The following CLVS1 variants were observed in gnomAD, a reference collection of about 807,000 sequenced individuals.
The protein encoded by CLVS1 is clavesin 1.
In CLVS1, 10 loss-of-function variants were observed where a neutral mutation model predicts 33.1. The ratio of observed to expected loss-of-function variants is 0.30; its 90% confidence interval spans 0.19 to 0.51. The LOEUF is 0.51. CLVS1 is among the 20% of genes least tolerant of loss of function. CLVS1 has a pLI of 0.97. For synonymous variants in CLVS1, 163 were observed against 166.1 expected (o/e 0.98, Z 0.14); for missense variants, 343 against 433.4 (o/e 0.79, Z 1.85).
At chr8:61,160,216 G>T (rs1049219260) in intron 2 of CLVS1, among the ~76,000 whole-genome samples, 1 of 152,162 alleles carries the variant, frequency 6.6e-6, no homozygotes, top group Non-Finnish European at 1.5e-5. Context: ...CATACATATT[G>T]ATAGTAGAAA....
At chr8:61,498,054 T>G (rs1804329294) in intron 5 of CLVS1, among the ~76,000 whole-genome samples, 2 of 152,164 alleles carry the variant, frequency 1.3e-5, no homozygotes, top group Admixed American at 1.3e-4. Context: ...GCTAACCTCC[T>G]ATCTCATTCT....
At chr8:61,336,513 GGTACAATAGAA>G (rs1443712363) in intron 2 of CLVS1, among the ~76,000 whole-genome samples, 2 of 152,092 alleles carry the variant, frequency 1.3e-5, no homozygotes, top group African/African-American at 4.8e-5. Context: ...CACCCTGGGT[GGTACAATAGAA>G]GTGAGCAGAA....
the CLVS1 span, among the ~76,000 whole-genome samples, chr8:60,995,870 G>C: frequency 6.6e-6 from 1 of 152,204 alleles, no homozygotes; most frequent in African/African-American, 2.4e-5. Flanking sequence ...CAGGGACATG[G>C]ATGAAATTGG....
At position 61,404,273 on chromosome 8, in the gene CLVS1, T is replaced by C. The variant is rs146718124; in HGVS notation, c.630+27494T>C. Among the ~76,000 whole-genome samples, 46 of 152,322 alleles carry C rather than the reference T, an allele frequency of 3.0e-4. No homozygotes were observed. The East Asian group carries it at 8.7e-3, about 29-fold the overall frequency. On this transcript the variant is annotated intron_variant, in intron 3 of 5. Coordinates refer to ENST00000325897, the MANE Select transcript of CLVS1 (RefSeq NM_173519.3). Reference sequence around the variant, plus strand: ...TGTCCAGAGTATTCTGTGAGTCTATTCATTTACTTTTCTCTCAGCCTCCTG... The same window carrying C: ...TGTCCAGAGTATTCTGTGAGTCTATCCATTTACTTTTCTCTCAGCCTCCTG...
the CLVS1 span, among the ~76,000 whole-genome samples, chr8:60,977,503 A>T: frequency 6.6e-6 from 1 of 152,220 alleles, no homozygotes. Flanking sequence ...GATAGAAATT[A>T]TAAAAAGGAA....
intron 2 of CLVS1, among the ~76,000 whole-genome samples, chr8:61,328,948 C>G (rs1054451792): frequency 6.6e-6 from 1 of 152,136 alleles, no homozygotes; most frequent in Non-Finnish European, 1.5e-5. Flanking sequence ...AATGGCATAC[C>G]ATGTCTAACA....
chr8:61,455,178 T>TTGTG (rs35160609), intron 4 of CLVS1, among the ~76,000 whole-genome samples: 79,471 of 147,336 alleles, frequency 0.54, 24,440 homozygotes, highest in Non-Finnish European at 0.71. Flanking sequence ...TAATTATGAT[T>TTGTG]TGTGTGTGTG....
At chr8:61,189,689 C>A (rs1448724146) in intron 2 of CLVS1, among the ~76,000 whole-genome samples, 6 of 151,570 alleles carry the variant, frequency 4.0e-5, no homozygotes, top group Admixed American at 1.3e-4. Context: ...TCTACCAAGC[C>A]AATGGAAAAC....
intron 2 of CLVS1, among the ~76,000 whole-genome samples, chr8:61,266,112 C>T (rs1053779046): frequency 1.4e-4 from 21 of 152,100 alleles, no homozygotes; most frequent in African/African-American, 4.8e-4. Flanking sequence ...TTAAAATTTA[C>T]CTGATTTCTA....
At chr8:61,381,468 A>C (rs1813874849) in intron 3 of CLVS1, among the ~76,000 whole-genome samples, 1 of 152,074 alleles carries the variant, frequency 6.6e-6, no homozygotes, top group African/African-American at 2.4e-5. Context: ...CATGGGGTAC[A>C]TGTGCAGTTC....
chr8:61,216,243 G>A (rs1027561099), intron 2 of CLVS1, among the ~76,000 whole-genome samples: 1 of 152,202 alleles, frequency 6.6e-6, no homozygotes, highest in Non-Finnish European at 1.5e-5. Flanking sequence ...AGAGCTCACT[G>A]TCACATGGCA....
At chr8:61,372,148 T>G (rs1189777597) in intron 2 of CLVS1, among the ~76,000 whole-genome samples, 3 of 152,068 alleles carry the variant, frequency 2.0e-5, no homozygotes, top group African/African-American at 4.8e-5. Flanking sequence ...TAAAATACTC[T>G]GATAGAATTG....
Position 61,093,637 on chromosome 8 carries a change from T to C in CLVS1, c.-243+36407T>C, listed in dbSNP as rs559517200. Among the ~76,000 whole-genome samples the C allele has an allele frequency of 1.4e-4, 21 of 152,322 alleles. No homozygotes were observed. The South Asian group carries it at 2.7e-3, about 20-fold the overall frequency. ...GTCATAAATTAAAAGCAAGCACTAG[T>C]GAAAAGGCTTGGTGAAGGGGAAAAT... On this transcript the variant is annotated intron_variant, in intron 1 of 2. Transcript: ENST00000522621.
chr8:60,984,269 T>TCTTTG, the CLVS1 span, among the ~76,000 whole-genome samples: 7 of 152,288 alleles, frequency 4.6e-5, no homozygotes, highest in African/African-American at 1.7e-4. Flanking sequence ...TTGTCCTCAC[T>TCTTTG]TACAAAGAGT....
chr8:61,019,961 A>G, the CLVS1 span, among the ~76,000 whole-genome samples: 1 of 152,190 alleles, frequency 6.6e-6, no homozygotes, highest in African/African-American at 2.4e-5. Flanking sequence ...CATTTAGAGT[A>G]GAGGCCACGT....
At chr8:61,133,731 G>A (rs921720047) in intron 2 of CLVS1, among the ~76,000 whole-genome samples, 7 of 152,154 alleles carry the variant, frequency 4.6e-5, no homozygotes, top group Non-Finnish European at 2.9e-5. Context: ...AGGTCATTGT[G>A]CTTAAGAGTC....
At chr8:61,160,893 T>C (rs1806738202) in intron 2 of CLVS1, among the ~76,000 whole-genome samples, 1 of 152,172 alleles carries the variant, frequency 6.6e-6, no homozygotes, top group African/African-American at 2.4e-5. Context: ...AAGAATACTC[T>C]CGTAGAAGAG....
intron 3 of CLVS1, among the ~76,000 whole-genome samples, chr8:61,409,616 G>C (rs1472934175): frequency 6.6e-6 from 1 of 152,148 alleles, no homozygotes; most frequent in East Asian, 1.9e-4. Context: ...GTGAATGTTT[G>C]TTCATAACAT....
the CLVS1 span, among the ~76,000 whole-genome samples, chr8:60,971,066 T>G: frequency 7.0e-6 from 1 of 143,180 alleles, no homozygotes; most frequent in Admixed American, 7.3e-5. Context: ...CTTTGATGAC[T>G]TTTCCTTTTT....
Sources: allele counts gnomAD v4.1 joint callset (sites outside exome capture counted in the v4.1 genomes callset), GRCh38; gene constraint gnomAD v4.1.1; transcripts MANE v1.5; gene names NCBI Gene and HGNC (gene_info 2026-07-23, HGNC 2026-07-21).